UGT2A1: variants seen among roughly 807,000 people sequenced by gnomAD.
The protein encoded by UGT2A1 is UDP glucuronosyltransferase family 2 member A1 complex locus.
A neutral mutation model predicts 45.4 loss-of-function variants in UGT2A1; 61 were observed. The ratio of observed to expected loss-of-function variants is 1.34; its 90% CI spans 1.09 to 1.66. The LOEUF (loss-of-function observed/expected upper bound fraction) is 1.66. Among genes scored for constraint, UGT2A1 ranks in the 40% most tolerant of loss-of-function variants. UGT2A1 has a pLI of 0.00. For missense variants in UGT2A1, 649 were observed against 574.3 expected (o/e 1.13, Z -1.33); for synonymous variants, 229 against 196.2 (o/e 1.17, Z -1.40).
At chr4:69,597,007 T>C (rs546763678) in intron 4 of UGT2A1, among the ~76,000 whole-genome samples, 1 of 152,306 alleles carries the variant, frequency 6.6e-6, no homozygotes, top group African/African-American at 2.4e-5. Flanking sequence ...AACAGGGTTG[T>C]TTGCAAACTC....
In UGT2A1 at chr4:69,635,755, A is replaced by G. The variant is rs1577997323; in HGVS notation, c.783T>C (p.Leu261=). 4.5e-6 allele frequency: 1 copy of G among 221,514 alleles called. No individual in the cohort carries two copies. The allele number at this position is 221,514 out of a possible 1,614,324, so 13.7% of individuals were successfully genotyped here. The stretch of plus-strand genomic sequence containing the variant: ...GGCGGGAGAATCGCTTGAACCCGGG[A>G]AGCAGAGGTTGCAGTGAGCCAAGAT... ...VADLGSLQPL[L]PGFKRFSRLS... Residue 261 remains leucine, a synonymous_variant, in exon 3 of 7, where the codon CTT becomes CTC. Transcript: ENST00000286604.
In UGT2A1 at chr4:69,604,526, A is replaced by T. The variant is rs556718105; in HGVS notation, c.848-5132T>A. 3.7e-5 allele frequency among the ~76,000 whole-genome samples: 5 copies of T among 136,732 alleles called. 2 individuals carry two copies. The highest frequency in any genetic ancestry group is 1.5e-4 in the African/African-American group (5 of 33,792). 89.7% of individuals were successfully genotyped at this position (136,732 alleles called of 152,430 possible). The stretch of plus-strand genomic sequence containing the variant: ...AACTGCATCAACTAATGAGCAAAAT[A>T]ACTAGCTAACATCATAATGACAGGA... On this transcript the variant is annotated intron_variant, in intron 3 of 6. Transcript: ENST00000286604.
chr4:69,625,375 T>C (rs961437278), intron 3 of UGT2A1, among the ~76,000 whole-genome samples: 1 of 151,222 alleles, frequency 6.6e-6, no homozygotes, highest in Non-Finnish European at 1.5e-5. Context: ...AATATTTTTT[T>C]CTGCTGATGC....
chr4:69,599,502 T>C, intron 3 of UGT2A1, 108 bp from the exon 4 acceptor site: 2 of 1,487,026 alleles, frequency 1.3e-6, no homozygotes, highest in Non-Finnish European at 1.8e-6. Context: ...AAAAACTGAA[T>C]TAGGTCTTCT....
chr4:69,642,374 T>C (rs1224114970), intron 2 of UGT2A1, among the ~76,000 whole-genome samples: 1 of 150,836 alleles, frequency 6.6e-6, no homozygotes, highest in Non-Finnish European at 1.5e-5. Flanking sequence ...TCAAGATCAA[T>C]GTAAATTAAA....
intron 3 of UGT2A1, among the ~76,000 whole-genome samples, chr4:69,619,750 C>T (rs1221794215): frequency 6.6e-6 from 1 of 151,844 alleles, no homozygotes; most frequent in African/African-American, 2.4e-5. Flanking sequence ...TGCAAAAATC[C>T]TCAACAAAAT....
chr4:69,649,383 A>C (rs1308588194), intron 1 of UGT2A1, among the ~76,000 whole-genome samples: 2 of 152,074 alleles, frequency 1.3e-5, no homozygotes, highest in Admixed American at 1.3e-4. Flanking sequence ...GTGACTTGGC[A>C]AGAAACTTTA....
chr4:69,600,115 G>A (rs1273247209), intron 3 of UGT2A1, among the ~76,000 whole-genome samples: 1 of 152,150 alleles, frequency 6.6e-6, no homozygotes, highest in African/African-American at 2.4e-5. Context: ...TGTGAGCCAG[G>A]TGAAAAACCA....
At position 69,594,828 on chromosome 4, in the gene UGT2A1, A is replaced by G. The variant is rs190717534; in HGVS notation, c.1085-132T>C. 4.7e-5 allele frequency: 54 copies of G among 1,154,930 alleles called. No homozygotes were observed. In the African/African-American group the frequency reaches 8.0e-4, roughly 17 times the overall value. The allele number at this position is 1,154,930 out of a possible 1,614,324, so 71.5% of individuals were successfully genotyped here. On this transcript the variant is annotated intron_variant, in intron 5 of 6. Transcript: ENST00000286604. ...TACGTTTTCTACAAAAGCAGATCAC[A>G]TAGGGCATTGGAATGTCAGAAAACT...
rs1314831441 is a variant in UGT2A1 at position 69,602,432 on chromosome 4, AC to A, written c.848-3039del. ...ACTTTACTGCAGTTAAACAAGAAAA[AC>A]AATTTTTAGAATAACAAAGATTTAG... On this transcript the variant is annotated intron_variant, in intron 3 of 6. Coordinates refer to ENST00000286604, the MANE Select transcript of UGT2A1 (RefSeq NM_001252275.3). 1.6e-5 allele frequency among the ~76,000 whole-genome samples: 2 copies of A among 128,146 alleles called. 1 individual carries two copies. The highest frequency in any genetic ancestry group is 6.4e-5 in the African/African-American group (2 of 31,040). The allele number at this position is 128,146 out of a possible 152,430, so 84.1% of individuals were successfully genotyped here. A position where few individuals can be genotyped will look rare whatever the true frequency, so the allele number is the denominator to read the frequency against.
At chr4:69,637,900 C>A in intron 2 of UGT2A1, among the ~76,000 whole-genome samples, 1 of 134,840 alleles carries the variant, frequency 7.4e-6, no homozygotes, top group Non-Finnish European at 1.6e-5. Flanking sequence ...GGAAGGAAGG[C>A]AAGAAGGAAG....
At chr4:69,601,813 G>C (rs1560471637) in intron 3 of UGT2A1, among the ~76,000 whole-genome samples, 1 of 137,100 alleles carries the variant, frequency 7.3e-6, no homozygotes, top group Non-Finnish European at 1.6e-5. Context: ...GCACCAGTCT[G>C]GGGTGTGACA....
intron 4 of UGT2A1, chr4:69,596,168 T>C (rs1718913021): frequency 3.6e-6 from 5 of 1,370,370 alleles, no homozygotes; most frequent in Non-Finnish European, 4.7e-6. Context: ...AGTTTTGATT[T>C]TCATATGGAA....
chr4:69,640,279 T>A (rs1578003776), intron 2 of UGT2A1, among the ~76,000 whole-genome samples: 1 of 122,224 alleles, frequency 8.2e-6, no homozygotes. Context: ...CATTCTCAGT[T>A]TTCTCAAAGA....
chr4:69,615,202 T>G (rs1333097152), intron 3 of UGT2A1, among the ~76,000 whole-genome samples: 5 of 151,974 alleles, frequency 3.3e-5, no homozygotes, highest in Non-Finnish European at 7.4e-5. Flanking sequence ...CAAATCACCC[T>G]GAAAAATTAA....
At chr4:69,622,355 C>G (rs1295145803) in intron 3 of UGT2A1, among the ~76,000 whole-genome samples, 2 of 151,402 alleles carry the variant, frequency 1.3e-5, no homozygotes, top group Admixed American at 6.6e-5. Flanking sequence ...AGCTAATATG[C>G]CAGTGTATTT....
In UGT2A1 at chr4:69,605,297, T is replaced by A. The variant is rs879838068; in HGVS notation, c.848-5903A>T. On this transcript the variant is annotated intron_variant, in intron 3 of 6. Coordinates refer to ENST00000286604, the MANE Select transcript of UGT2A1 (RefSeq NM_001252275.3). ...CAAAACCGCTCAACTACATGGAAACTGAACAACCTGCTCCTGAATGACTAC... is the reference window on the plus strand; with the variant it reads ...CAAAACCGCTCAACTACATGGAAACAGAACAACCTGCTCCTGAATGACTAC... Among the ~76,000 whole-genome samples, 3 of 136,892 alleles carry A rather than the reference T, an allele frequency of 2.2e-5. 1 individual carries two copies. The highest frequency in any genetic ancestry group is 4.7e-5 in the Non-Finnish European group (3 of 64,404). The allele number at this position is 136,892 out of a possible 152,430, so 89.8% of individuals were successfully genotyped here. A position where few individuals can be genotyped will look rare whatever the true frequency, so the allele number is the denominator to read the frequency against.
intron 4 of UGT2A1, among the ~76,000 whole-genome samples, chr4:69,598,452 A>C (rs868022655): frequency 6.6e-6 from 1 of 152,112 alleles, no homozygotes; most frequent in Admixed American, 6.5e-5. Context: ...TTTTCTGAAG[A>C]CTTCATATTG....
chr4:69,592,826 G>GA (rs761407087), intron 6 of UGT2A1, among the ~76,000 whole-genome samples: 17 of 151,948 alleles, frequency 1.1e-4, no homozygotes, highest in Non-Finnish European at 2.4e-4. Context: ...ATTAATTTCT[G>GA]AAAAGAAAAA....
Sources: gnomAD v4.1 joint callset for allele counts (sites outside exome capture counted in the v4.1 genomes callset) on GRCh38, gnomAD v4.1.1 for gene constraint, MANE v1.5 for transcripts, NCBI Gene and HGNC (gene_info 2026-07-23, HGNC 2026-07-21) for gene names.